ADAR: variants seen among roughly 807,000 people sequenced by gnomAD.
The protein encoded by ADAR is double-stranded RNA-specific adenosine deaminase.
In ADAR, 41 loss-of-function variants were observed where a neutral mutation model predicts 113.2. That is an observed-to-expected ratio of 0.36 (90% CI 0.28 to 0.47). ADAR has a LOEUF of 0.47. Among genes scored for constraint, ADAR ranks in the 20% least tolerant of loss-of-function variants. The pLI is 1.00. For synonymous variants in ADAR, 605 were observed against 572.6 expected (o/e 1.06, Z -0.81); for missense variants, 1,242 against 1,540.9 (o/e 0.81, Z 3.25).
chr1:154,587,670 A>G (rs1696857272), intron 11 of ADAR, among the ~76,000 whole-genome samples: 1 of 152,232 alleles, frequency 6.6e-6, no homozygotes, highest in Non-Finnish European at 1.5e-5. Flanking sequence ...AGAAGGAGCC[A>G]GTGGACAAGG....
intron 7 of ADAR, 75 bp from the exon 8 acceptor site, chr1:154,590,003 T>G: frequency 5.0e-6 from 8 of 1,585,216 alleles, no homozygotes; most frequent in Non-Finnish European, 6.0e-6. Context: ...GGCAGGGAGA[T>G]CAAGCTCTAC....
chr1:154,613,664 G>A (rs183378560), intron 1 of ADAR, among the ~76,000 whole-genome samples: 1 of 152,170 alleles, frequency 6.6e-6, no homozygotes, highest in Non-Finnish European at 1.5e-5. Flanking sequence ...CAGCACTTTG[G>A]GACACCGAGG....
Position 154,608,083 on chromosome 1 carries a change from T to C in ADAR, c.-77A>G. ...CCGACCGCTGGGCCGCGCCAGCCCC[T>C]CGAGGCCCCCACGCCTCCGCTACTC... is the stretch of plus-strand genomic sequence containing the variant. On this transcript the variant is annotated 5_prime_UTR_variant, in exon 1 of 15. Coordinates refer to ENST00000368474, the MANE Select transcript of ADAR (RefSeq NM_001111.5). 6.8e-7 allele frequency: 1 copy of C among 1,478,274 alleles called. No individual in the cohort carries two copies. Among genetic ancestry groups the C allele is most frequent in the South Asian group, 1.4e-5 (1 of 73,150 alleles). 91.6% of individuals were successfully genotyped at this position (1,478,274 alleles called of 1,614,324 possible). A position where few individuals can be genotyped will look rare whatever the true frequency, so the allele number is the denominator to read the frequency against.
chr1:154,614,117 CTAATAA>C (rs1698568454), intron 1 of ADAR, among the ~76,000 whole-genome samples: 1 of 151,960 alleles, frequency 6.6e-6, no homozygotes, highest in East Asian at 1.9e-4. Flanking sequence ...TAAAATAATA[CTAATAA>C]TAATGACTAA....
rs375425936 is a variant in ADAR at position 154,597,110 on chromosome 1, G to A, written c.2079+13C>T. 13 of 1,614,036 alleles carry A rather than the reference G, an allele frequency of 8.1e-6. No homozygotes were observed. The highest frequency in any genetic ancestry group is 9.3e-6 in the Non-Finnish European group (11 of 1,180,030). ...AAAATGACCTGTATCTTTTGAGTAGGAAAACGCCCTACCTGGTTATCAGAA... is the reference window on the plus strand; with the variant it reads ...AAAATGACCTGTATCTTTTGAGTAGAAAAACGCCCTACCTGGTTATCAGAA... On this transcript the variant is annotated intron_variant, in intron 5 of 14. Transcript: ENST00000368474.
chr1:154,609,621 G>C (rs1370606135), upstream of ADAR, among the ~76,000 whole-genome samples: 1 of 152,202 alleles, frequency 6.6e-6, no homozygotes, highest in Non-Finnish European at 1.5e-5. Flanking sequence ...GGTAGGGGGA[G>C]AGGAGGGGGA....
chr1:154,611,232 G>A (rs1469771096), upstream of ADAR, among the ~76,000 whole-genome samples: 1 of 152,126 alleles, frequency 6.6e-6, no homozygotes, highest in African/African-American at 2.4e-5. Flanking sequence ...TACTGTGCGA[G>A]GGAAGCTGCA....
intron 11 of ADAR, 33 bp from the exon 12 acceptor site, chr1:154,586,396 G>T: frequency 6.2e-7 from 1 of 1,609,402 alleles, no homozygotes. Flanking sequence ...ACCCACAGGC[G>T]CCAATGGACC....
At chr1:154,590,135 A>AGGCGGGGGGGGGGGGGGGGGGGGG in intron 7 of ADAR, 49 bp downstream of exon 7, 5 of 1,205,030 alleles carry the variant, frequency 4.1e-6, no homozygotes, top group Non-Finnish European at 4.8e-6. Context: ...CTTAGGAGTT[A>AGGCGGGGGGGGGGGGGGGGGGGGG]GGAGGACCCC....
intron 13 of ADAR, 33 bp from the exon 14 acceptor site, chr1:154,585,377 G>C: frequency 6.2e-7 from 1 of 1,613,906 alleles, no homozygotes; most frequent in Non-Finnish European, 8.5e-7. Flanking sequence ...GAGAAAGATG[G>C]AAACCTTTCA....
At chr1:154,607,617 C>A (rs758174437) in intron 1 of ADAR, among the ~76,000 whole-genome samples, 1 of 152,108 alleles carries the variant, frequency 6.6e-6, no homozygotes. Context: ...CAGACGGGGG[C>A]GCATTTTCCC....
intron 14 of ADAR, 26 bp downstream of exon 14, chr1:154,585,191 C>T (rs1235635753): frequency 2.5e-6 from 4 of 1,614,154 alleles, no homozygotes; most frequent in South Asian, 1.1e-5. Context: ...AGGCTTGGTC[C>T]TCACTGCGCT....
intron 1 of ADAR, among the ~76,000 whole-genome samples, chr1:154,607,516 G>A (rs552103080): frequency 7.2e-6 from 1 of 139,706 alleles, no homozygotes; most frequent in East Asian, 2.2e-4. Flanking sequence ...TGTTCAAGTG[G>A]GGCTAAAGCG....
At chr1:154,589,989 C>T (rs1226925893) in intron 7 of ADAR, 61 bp from the exon 8 acceptor site, 18 of 1,600,516 alleles carry the variant, frequency 1.1e-5, no homozygotes, top group Admixed American at 6.7e-5. Context: ...CCATATTCAC[C>T]GTGGGCAGGG....
Position 154,585,228 on chromosome 1 carries a change from G to C in ADAR, c.3432C>G (p.Gly1144=), listed in dbSNP as rs568610646. 24 of 1,614,028 alleles carry C rather than the reference G, an allele frequency of 1.5e-5. No individual in the cohort carries two copies. The Admixed American group carries it at 2.5e-4, about 17-fold the overall frequency. ...TCCTGTCTCCTTACCCATCCACAGT[G>C]CCTCTGGTACCGTCCAGGATCTCCA... ...YDLEILDGTR[G]TVDGPRNELS... The change falls in exon 14 of 15, where the codon GGC becomes GGG. Residue 1144 remains glycine, a synonymous_variant. Transcript: ENST00000368474.
chr1:154,585,088 TAAGGAGCTCACA>T lies in ADAR; in HGVS notation c.3444-57_3444-46del, dbSNP rs771736098. ...CATTATTCACCTGGGACCTGTAAGATAAGGAGCTCACAGTGGAGACACCGTGGGAGGGGAGGC... is the reference window on the plus strand; with the variant it reads ...CATTATTCACCTGGGACCTGTAAGATGTGGAGACACCGTGGGAGGGGAGGC... On this transcript the variant is annotated intron_variant, in intron 14 of 14. Coordinates refer to ENST00000368474, the MANE Select transcript of ADAR (RefSeq NM_001111.5). 2.0e-5 allele frequency: 33 copies of T among 1,612,018 alleles called. No homozygotes were observed. In the Admixed American group the frequency reaches 2.7e-4, roughly 13 times the overall value.
intron 2 of ADAR, 114 bp downstream of exon 2, chr1:154,600,927 A>G: frequency 7.1e-7 from 1 of 1,407,876 alleles, no homozygotes; most frequent in South Asian, 1.2e-5. Flanking sequence ...GCAGAAGGGA[A>G]GGAGGAAAAG....
At chr1:154,593,809 A>AG (rs1697323731) in intron 6 of ADAR, among the ~76,000 whole-genome samples, 1 of 152,244 alleles carries the variant, frequency 6.6e-6, no homozygotes. Context: ...GAAAAGGACA[A>AG]GAACAGGTGG....
At chr1:154,598,363 CAG>C in intron 3 of ADAR, 37 bp downstream of exon 3, 1 of 1,605,212 alleles carries the variant, frequency 6.2e-7, no homozygotes, top group Middle Eastern at 1.7e-4. Flanking sequence ...CAGACACTGA[CAG>C]GGAACTGATC....
Sources: allele counts gnomAD v4.1 joint callset (sites outside exome capture counted in the v4.1 genomes callset), GRCh38; gene constraint gnomAD v4.1.1; transcripts MANE v1.5; gene names NCBI Gene and HGNC (gene_info 2026-07-23, HGNC 2026-07-21).